SLC12A2: variants seen among roughly 807,000 people sequenced by gnomAD.
SLC12A2 encodes Na-K-2Cl cotransporter 1.
A neutral mutation model predicts 136.3 loss-of-function variants in SLC12A2; 67 were observed. The ratio of observed to expected loss-of-function variants is 0.49; its 90% CI spans 0.40 to 0.60. The LOEUF (loss-of-function observed/expected upper bound fraction) is 0.60. Among genes scored for constraint, SLC12A2 ranks in the 20% least tolerant of loss-of-function variants. SLC12A2 has a pLI of 0.00. For missense variants in SLC12A2, 1,322 were observed against 1,534.7 expected (o/e 0.86, Z 2.32); for synonymous variants, 619 against 562.9 (o/e 1.10, Z -1.41).
At chr5:128,172,490 T>C (rs1763408234) in intron 19 of SLC12A2, among the ~76,000 whole-genome samples, 1 of 152,266 alleles carries the variant, frequency 6.6e-6, no homozygotes, top group Non-Finnish European at 1.5e-5. Context: ...TACAGAGGTC[T>C]CCCTATGTGT....
chr5:128,175,876 C>T (rs945377996), intron 20 of SLC12A2, among the ~76,000 whole-genome samples: 26 of 151,736 alleles, frequency 1.7e-4, no homozygotes, highest in Admixed American at 1.3e-4. Flanking sequence ...AAGACAAATG[C>T]CATTAAATGT....
At chr5:128,165,309 A>C (rs1763166834) in intron 17 of SLC12A2, among the ~76,000 whole-genome samples, 1 of 152,230 alleles carries the variant, frequency 6.6e-6, no homozygotes, top group African/African-American at 2.4e-5. Flanking sequence ...TTGTCAACTC[A>C]ATTTTAAACC....
At chr5:128,088,856 A>T (rs1760201114) in intron 1 of SLC12A2, among the ~76,000 whole-genome samples, 1 of 152,182 alleles carries the variant, frequency 6.6e-6, no homozygotes, top group Non-Finnish European at 1.5e-5. Flanking sequence ...TTTACTCAAG[A>T]TGAAATGAGC....
intron 4 of SLC12A2, among the ~76,000 whole-genome samples, chr5:128,116,240 G>A (rs569153937): frequency 1.3e-5 from 2 of 152,198 alleles, no homozygotes; most frequent in African/African-American, 4.8e-5. Flanking sequence ...GGGGCATGAA[G>A]CCACTGGCAA....
Position 128,083,911 on chromosome 5 carries a change from A to C in SLC12A2, c.-44A>C. ...AGGGGTGTGGAGGGCGTGCTGCCGG[A>C]GACGTCCGCCGGGCTCTGCAGTTCC... On this transcript the variant is annotated 5_prime_UTR_variant, in exon 1 of 27. Transcript: ENST00000262461. 1 of 1,213,470 alleles carries C rather than the reference A, an allele frequency of 8.2e-7. No individual in the cohort carries two copies. Among genetic ancestry groups the C allele is most frequent in the Non-Finnish European group, 1.0e-6 (1 of 975,274 alleles). The allele number at this position is 1,213,470 out of a possible 1,614,324, so 75.2% of individuals were successfully genotyped here.
chr5:128,161,586 A>G, intron 16 of SLC12A2, 74 bp from the exon 17 acceptor site: 2 of 938,084 alleles, frequency 2.1e-6, no homozygotes, highest in Non-Finnish European at 2.8e-6. Flanking sequence ...CCAGTATAAC[A>G]GGATGAATCA....
chr5:128,084,626 C>T lies in SLC12A2; in HGVS notation c.672C>T (p.Ile224=). The change falls in exon 1 of 27, where the codon ATC becomes ATT. Residue 224 remains isoleucine (I), a synonymous_variant. Transcript: ENST00000262461. This position sits in a 1 kb window ranked among gnomAD's most constrained non-coding sequence, Gnocchi z 5.6. ...ACACCATGGACGCTGTGCCCAGGAT[C>T]GATCACTACCGGCACACAGCCGCGC... ...GHNTMDAVPR[I]DHYRHTAAQL... is the part of the protein sequence containing the mutation. 6.2e-7 allele frequency: 1 copy of T among 1,613,442 alleles called. No homozygotes were observed. Among genetic ancestry groups the T allele is most frequent in the Middle Eastern group, 1.6e-4 (1 of 6,062 alleles).
intron 1 of SLC12A2, among the ~76,000 whole-genome samples, chr5:128,112,308 A>G (rs1315467228): frequency 5.9e-5 from 9 of 152,200 alleles, no homozygotes; most frequent in Non-Finnish European, 1.0e-4. Context: ...AGGAATGAGT[A>G]AAGAGAGGAG....
rs1581113895 is a variant in SLC12A2, at chr5:128,150,088, A to T, written c.2097A>T (p.Ala699=). 1 of 1,587,014 alleles carries T rather than the reference A, an allele frequency of 6.3e-7. No homozygotes were observed. Among genetic ancestry groups the T allele is most frequent in the Non-Finnish European group, 8.6e-7 (1 of 1,158,946 alleles). The change falls in exon 13 of 27, where the codon GCA becomes GCT. Residue 699 remains alanine, a synonymous_variant. Coordinates refer to ENST00000262461, the MANE Select transcript of SLC12A2 (RefSeq NM_001046.3). ...TTTCAGTATTCCATGCATCACTTGC[A>T]AAATCTCCAGGTAATTTTACATTTT... is the stretch of plus-strand genomic sequence containing the variant. ...INFSVFHASL[A]KSPGWRPAFK... is the part of the protein sequence containing the mutation.
chr5:128,106,187 TTA>T (rs1400150908), intron 1 of SLC12A2, among the ~76,000 whole-genome samples: 3 of 152,198 alleles, frequency 2.0e-5, no homozygotes, highest in Admixed American at 6.5e-5. Flanking sequence ...CATAAAATAT[TTA>T]TGTTGCCAAT....
intron 5 of SLC12A2, among the ~76,000 whole-genome samples, chr5:128,133,819 T>A (rs931148587): frequency 1.3e-5 from 2 of 152,104 alleles, no homozygotes; most frequent in Non-Finnish European, 2.9e-5. Context: ...CTAATCACAA[T>A]AAATACAAAA....
rs552460438 is a variant in SLC12A2, at chr5:128,137,141, G to A, written c.1408+1333G>A. Among the ~76,000 whole-genome samples the A allele has an allele frequency of 9.2e-5, 14 of 152,170 alleles. 1 individual carries two copies. The highest frequency in any genetic ancestry group is 3.1e-4 in the African/African-American group (13 of 41,494). On this transcript the variant is annotated intron_variant, in intron 7 of 26. Coordinates refer to ENST00000262461, the MANE Select transcript of SLC12A2 (RefSeq NM_001046.3). ...AACATTAATAGTATATGTCATTTGCGTGTTTATGACCCTACTTTGGTTTTC... is the reference window on the plus strand; with the variant it reads ...AACATTAATAGTATATGTCATTTGCATGTTTATGACCCTACTTTGGTTTTC...
rs547761359 is a variant in SLC12A2 at position 128,088,565 on chromosome 5, T to G, written c.756+3855T>G. ...TTTTTTGTTTTTGTTTGTTTGTTTT[T>G]TGTGTGTGTGTTTTACTATTTTGTG... On this transcript the variant is annotated intron_variant, in intron 1 of 26. Transcript: ENST00000262461. Among the ~76,000 whole-genome samples, 39 of 152,020 alleles carry G rather than the reference T, an allele frequency of 2.6e-4. No individual in the cohort carries two copies. In the South Asian group the frequency reaches 7.1e-3, roughly 28 times the overall value.
At chr5:128,118,870 GA>G (rs1051460133) in intron 4 of SLC12A2, among the ~76,000 whole-genome samples, 1 of 152,036 alleles carries the variant, frequency 6.6e-6, no homozygotes, top group Non-Finnish European at 1.5e-5. Flanking sequence ...GAGGAGAGAG[GA>G]ACTTTTTAAA....
chr5:128,109,659 A>G (rs1033230745), intron 1 of SLC12A2: 6 of 852,722 alleles, frequency 7.0e-6, no homozygotes, highest in African/African-American at 6.7e-5. Flanking sequence ...ACATCAGGGA[A>G]TAGCTTCACA....
chr5:128,139,366 G>T (rs6868281), intron 9 of SLC12A2, among the ~76,000 whole-genome samples: 4,972 of 151,848 alleles, frequency 0.033, 294 homozygotes, highest in African/African-American at 0.11. Context: ...TGAAGATTAG[G>T]ACATACTAAG....
chr5:128,143,928 A>G (rs1420909703), intron 10 of SLC12A2, among the ~76,000 whole-genome samples: 2 of 150,152 alleles, frequency 1.3e-5, no homozygotes, highest in African/African-American at 2.4e-5. Context: ...TTTATTATAA[A>G]TATAATAAAA....
chr5:128,096,864 G>C (rs1232601566), intron 1 of SLC12A2, among the ~76,000 whole-genome samples: 4 of 152,022 alleles, frequency 2.6e-5, no homozygotes, highest in Non-Finnish European at 4.4e-5. Flanking sequence ...GTATCTTGCA[G>C]GAACAGAAGA....
At chr5:128,155,061 A>G (rs991836244) in intron 15 of SLC12A2, among the ~76,000 whole-genome samples, 4 of 152,056 alleles carry the variant, frequency 2.6e-5, no homozygotes, top group African/African-American at 7.2e-5. Flanking sequence ...GCTTGAACAC[A>G]GGCACTGCGA....
Sources: gnomAD v4.1 joint callset for allele counts (sites outside exome capture counted in the v4.1 genomes callset) on GRCh38, gnomAD v4.1.1 for gene constraint, Gnocchi (gnomAD v3.1) non-coding constraint, MANE v1.5 for transcripts, NCBI Gene and HGNC (gene_info 2026-07-23, HGNC 2026-07-21) for gene names.